WDPCP: variants seen among roughly 807,000 people sequenced by gnomAD.
The protein encoded by WDPCP is WD repeat-containing and planar cell polarity effector protein fritz homolog.
Under a neutral mutation model 93.1 loss-of-function variants are expected in WDPCP, and 71 were observed. The observed-to-expected ratio is 0.76, with a 90% CI of 0.63 to 0.93. The LOEUF is 0.93. Ranked by LOEUF, WDPCP falls within the 40% of genes least tolerant of loss-of-function variation. The probability of loss-of-function intolerance (pLI) is 0.00; values close to 1 mark genes in which losing one functional copy is unlikely to be tolerated. For synonymous variants in WDPCP, 315 were observed against 315.0 expected (o/e 1.00, Z 0.00); for missense variants, 844 against 887.4 (o/e 0.95, Z 0.62).
chr2:63,717,049 G>T, intron 2 of WDPCP: 1 of 269,198 alleles, frequency 3.7e-6, no homozygotes, highest in Non-Finnish European at 7.2e-6. Context: ...CTCTGGAGAG[G>T]CAGTGGTGGT....
At chr2:63,385,320 C>G (rs547794937) in intron 10 of WDPCP, among the ~76,000 whole-genome samples, 1 of 152,148 alleles carries the variant, frequency 6.6e-6, no homozygotes, top group South Asian at 2.1e-4. Flanking sequence ...ATAAAAAGCA[C>G]ACAGTTTAGA....
intron 12 of WDPCP, among the ~76,000 whole-genome samples, chr2:63,374,019 A>G (rs1691631929): frequency 6.7e-6 from 1 of 148,622 alleles, no homozygotes; most frequent in South Asian, 2.1e-4. Context: ...GCTTTATATG[A>G]TCAATTTTTG....
intron 12 of WDPCP, among the ~76,000 whole-genome samples, chr2:63,323,645 C>T (rs1194132180): frequency 6.6e-6 from 1 of 152,050 alleles, no homozygotes; most frequent in African/African-American, 2.4e-5. Context: ...GTTAAGGTCC[C>T]AATACTAACA....
intron 6 of WDPCP, chr2:63,477,716 G>C (rs1251077265): frequency 6.6e-6 from 1 of 152,216 alleles, no homozygotes; most frequent in Non-Finnish European, 1.5e-5. Context: ...GTGAGTGCCC[G>C]AAGTGTGAAA....
At chr2:63,313,886 A>ATAGTGTGTGTATATATATATATATATATT in intron 12 of WDPCP, among the ~76,000 whole-genome samples, 1 of 74,502 alleles carries the variant, frequency 1.3e-5, no homozygotes, top group African/African-American at 5.2e-5. Flanking sequence ...ATATATATAT[A>ATAGTGTGTGTATATATATATATATATATT]TTTTTTTTTT....
intron 17 of WDPCP, among the ~76,000 whole-genome samples, chr2:63,125,287 T>TA (rs2153395860): frequency 6.6e-6 from 1 of 152,346 alleles, no homozygotes; most frequent in East Asian, 1.9e-4. Flanking sequence ...CTGTGTTAAG[T>TA]AAGCCATCAG....
chr2:63,264,780 T>G (rs1681961173), intron 13 of WDPCP, among the ~76,000 whole-genome samples: 1 of 152,210 alleles, frequency 6.6e-6, no homozygotes. Context: ...ATAAATTCTT[T>G]TCAAGAGTAC....
intron 10 of WDPCP, among the ~76,000 whole-genome samples, chr2:63,402,286 G>T (rs575730445): frequency 6.6e-6 from 1 of 152,078 alleles, no homozygotes; most frequent in Non-Finnish European, 1.5e-5. Flanking sequence ...TGGACACAGG[G>T]AGGGGAACAA....
At chr2:63,344,358 C>T (rs1036647022) in intron 12 of WDPCP, among the ~76,000 whole-genome samples, 2 of 152,088 alleles carry the variant, frequency 1.3e-5, no homozygotes, top group African/African-American at 2.4e-5. Context: ...AAAAATTTTC[C>T]GAGAACTAGG....
At chr2:63,799,785 G>A (rs946294184) in intron 2 of WDPCP, among the ~76,000 whole-genome samples, 3 of 152,060 alleles carry the variant, frequency 2.0e-5, no homozygotes, top group African/African-American at 7.2e-5. Context: ...TTCAATACCT[G>A]TTATATGTCA....
At chr2:63,338,281 C>T (rs371604070) in intron 12 of WDPCP, among the ~76,000 whole-genome samples, 4 of 152,186 alleles carry the variant, frequency 2.6e-5, no homozygotes, top group East Asian at 1.9e-4. Context: ...CAGTGGCTCA[C>T]GCCCATAATC....
At chr2:63,694,014 T>C (rs1668927685) in intron 2 of WDPCP, among the ~76,000 whole-genome samples, 1 of 152,324 alleles carries the variant, frequency 6.6e-6, no homozygotes, top group Admixed American at 6.5e-5. Context: ...TTCATACTAA[T>C]TTGTCTGTGT....
At chr2:63,673,399 A>G (rs979475514) in intron 2 of WDPCP, among the ~76,000 whole-genome samples, 19 of 152,164 alleles carry the variant, frequency 1.2e-4, no homozygotes, top group Admixed American at 1.1e-3. Flanking sequence ...AGAGAGAAGG[A>G]AAGAAGATTG....
chr2:63,542,726 TCAAA>T (rs1329319046), intron 1 of WDPCP, among the ~76,000 whole-genome samples: 39 of 152,266 alleles, frequency 2.6e-4, no homozygotes, highest in Non-Finnish European at 1.0e-4. Context: ...ATATATATCA[TCAAA>T]CAAACCATGA....
At chr2:63,501,709 C>T (rs1575536836) in intron 1 of WDPCP, among the ~76,000 whole-genome samples, 1 of 123,020 alleles carries the variant, frequency 8.1e-6, no homozygotes, top group African/African-American at 2.6e-5. Flanking sequence ...TTCCACCTCC[C>T]GGATTCAGGC....
At chr2:63,191,635 A>G (rs549165841) in intron 14 of WDPCP, among the ~76,000 whole-genome samples, 223 of 152,294 alleles carry the variant, frequency 1.5e-3, no homozygotes, top group African/African-American at 5.2e-3. Context: ...CCCAGTCCCC[A>G]TTAAACTCTA....
intron 14 of WDPCP, among the ~76,000 whole-genome samples, chr2:63,221,587 T>C (rs1222115521): frequency 3.9e-5 from 6 of 152,200 alleles, no homozygotes; most frequent in Admixed American, 1.3e-4. Context: ...TTCTTGGACG[T>C]TGTGGGTCTT....
intron 12 of WDPCP, among the ~76,000 whole-genome samples, chr2:63,347,738 C>T (rs550203898): frequency 6.6e-6 from 1 of 150,794 alleles, no homozygotes; most frequent in Non-Finnish European, 1.5e-5. Flanking sequence ...TTGCCCCCCC[C>T]GCCCCCGACT....
At chr2:63,556,339 T>C (rs1378980924) in intron 1 of WDPCP, among the ~76,000 whole-genome samples, 1 of 152,090 alleles carries the variant, frequency 6.6e-6, no homozygotes, top group Non-Finnish European at 1.5e-5. Flanking sequence ...CCAAGAACTA[T>C]GGGGTTATGT....
Sources: gnomAD v4.1 joint callset for allele counts (sites outside exome capture counted in the v4.1 genomes callset) on GRCh38, gnomAD v4.1.1 for gene constraint, MANE v1.5 for transcripts, NCBI Gene and HGNC (gene_info 2026-07-23, HGNC 2026-07-21) for gene names.